FLNA: variants seen among roughly 807,000 people sequenced by gnomAD.
The protein encoded by FLNA is filamin-A.
In FLNA, 7 loss-of-function variants were observed where a neutral mutation model predicts 157.6. That is an observed-to-expected ratio of 0.04 (90% CI 0.03 to 0.08). FLNA has a LOEUF of 0.08. FLNA is among the 10% of genes least tolerant of loss of function. The pLI, the probability that FLNA is intolerant of heterozygous loss-of-function variation, is 1.00. For synonymous variants in FLNA, 1,103 were observed against 1,060.8 expected (o/e 1.04, Z -0.77); for missense variants, 1,750 against 2,398.4 (o/e 0.73, Z 5.65).
rs782157246 is a variant in FLNA at position 154,352,913 on chromosome X, G to A, written c.6238C>T (p.Leu2080Phe). ...CTGGGGCCCTCAATGGACAGGCTGA[G>A]CCCACCATAGCCTAGGGGATGGATA... ...IDTRDAGYGG[L>F]SLSIEGPSKV... The change falls in exon 39 of 48, where the codon CTC becomes TTC. Residue 2080 changes from leucine (L) to phenylalanine (F), a missense_variant. Physicochemically the swap from Leu to Phe is conservative, Grantham distance 22. Transcript: ENST00000369850. 27 of 1,210,512 alleles carry A rather than the reference G, an allele frequency of 2.2e-5. No homozygotes were observed. Among genetic ancestry groups the A allele is most frequent in the Admixed American group, 1.5e-4 (7 of 45,953 alleles).
intron 2 of FLNA, among the ~76,000 whole-genome samples, chrX:154,370,576 A>G: frequency 8.9e-6 from 1 of 112,292 alleles, no homozygotes; most frequent in East Asian, 2.8e-4. Flanking sequence ...CCCCAGGCCC[A>G]CTCCCACCGC....
At chrX:154,366,258 C>G in intron 8 of FLNA, 34 bp from the exon 9 acceptor site, 1 of 1,210,789 alleles carries the variant, frequency 8.3e-7, no homozygotes, top group Non-Finnish European at 1.1e-6. Flanking sequence ...TCCCAGGCCC[C>G]AGTGCGGCTC....
intron 21 of FLNA, among the ~76,000 whole-genome samples, chrX:154,361,056 A>AC (rs2067703719): frequency 3.6e-5 from 3 of 84,207 alleles, no homozygotes; most frequent in African/African-American, 1.7e-4. Flanking sequence ...CAAAAAAAAA[A>AC]AAAAAAAAAA....
intron 21 of FLNA, 115 bp downstream of exon 21, chrX:154,361,193 A>C: frequency 1.4e-6 from 1 of 690,236 alleles, no homozygotes; most frequent in East Asian, 3.4e-5. Flanking sequence ...AGTCTGTCTC[A>C]GGAAAAAAAA....
At position 154,360,536 on chromosome X, in the gene FLNA, G is replaced by A. The variant is rs782518956; in HGVS notation, c.3259C>T (p.Arg1087Cys). Residue 1087 changes from arginine (R) to cysteine (C), a missense_variant, in exon 22 of 48, where the codon CGC becomes TGC. Physicochemically the swap from Arg to Cys is radical, Grantham distance 180 (BLOSUM62 -3). This residue lies in a region of FLNA where 648 missense variants were observed against 805.8 expected (regional missense o/e 0.80). Transcript: ENST00000369850. ...GCGCCCTTGGTGTCGATGGTGAAGCGGGCGGGGGAGCCCGCACTGCCTCCC... is the reference window on the plus strand; with the variant it reads ...GCGCCCTTGGTGTCGATGGTGAAGCAGGCGGGGGAGCCCGCACTGCCTCCC... ...LQGGSAGSPARFTIDTKGAGT... is the reference protein window; with the variant it reads ...LQGGSAGSPACFTIDTKGAGT... The A allele has an allele frequency of 3.3e-5, 40 of 1,209,139 alleles. No homozygotes were observed. In the East Asian group the frequency reaches 1.1e-3, roughly 32 times the overall value.
rs782086942 is a variant in FLNA at position 154,358,546 on chromosome X, C to G, written c.4497G>C (p.Val1499=). 1 of 1,208,426 alleles carries G rather than the reference C, an allele frequency of 8.3e-7. No individual in the cohort carries two copies. The highest frequency in any genetic ancestry group is 1.8e-5 in the African/African-American group (1 of 57,010). ...GPKGLVEPVD[V]VDNADGTQTV... is the part of the protein sequence containing the mutation. ...TCTGGGTGCCATCAGCGTTGTCTAC[C>G]ACGTCCACTGGCTCCACCAGGCCTG... The change falls in exon 27 of 48, where the codon GTG becomes GTC. Residue 1499 remains valine, a synonymous_variant. Transcript: ENST00000369850.
chrX:154,349,985 G>A (rs781978917), intron 45 of FLNA, 46 bp downstream of exon 45: 3 of 1,199,150 alleles, frequency 2.5e-6, no homozygotes, highest in African/African-American at 1.7e-5. Flanking sequence ...TGGAGGCAAG[G>A]GCCTAGCAGC....
chrX:154,350,736 C>T (rs1037953998), intron 44 of FLNA, 173 bp downstream of exon 44: 19 of 516,947 alleles, frequency 3.7e-5, no homozygotes, highest in African/African-American at 9.2e-5. Context: ...CTGTGGGTGG[C>T]GAGCCACATC....
rs1557175653 is a variant in FLNA at position 154,351,014 on chromosome X, C to T, written c.7051G>A (p.Ala2351Thr). The part of the protein sequence containing the change: ...QESGLKVNQP[A>T]SFAVSLNGAK... ...CCGTTCAGGCTGACTGCAAAAGAGG[C>T]TGGCTGGTTGACCTTTAGCCCTGAC... is the stretch of plus-strand genomic sequence containing the variant. The change falls in exon 44 of 48, where the codon GCC (alanine) becomes ACC (threonine). Residue 2351 changes from alanine (A) to threonine (T), a missense_variant. Physicochemically the swap from Ala to Thr is moderately conservative, Grantham distance 58. Coordinates refer to ENST00000369850, the MANE Select transcript of FLNA (RefSeq NM_001110556.2). The T allele has an allele frequency of 3.3e-6, 4 of 1,211,769 alleles. No homozygotes were observed. In the Admixed American group the frequency reaches 8.7e-5, roughly 26 times the overall value.
intron 2 of FLNA, among the ~76,000 whole-genome samples, chrX:154,369,176 C>G (rs1264863244): frequency 8.9e-6 from 1 of 112,870 alleles, no homozygotes; most frequent in South Asian, 3.5e-4. Flanking sequence ...CCTGGAGGGC[C>G]AGGTGAGCCG....
At chrX:154,350,693 A>G in intron 44 of FLNA, 1 of 435,370 alleles carries the variant, frequency 2.3e-6, no homozygotes, top group Non-Finnish European at 4.1e-6. Context: ...TGGAGATGGC[A>G]TGGTACTGCA....
chrX:154,354,147 C>A lies in FLNA; in HGVS notation c.5557+4G>T. On this transcript the variant is annotated splice_donor_region_variant and intron_variant, in intron 34 of 47. Transcript: ENST00000369850. Reference sequence around the variant, plus strand: ...TGGAGTGGGCAGAGGCAGGGCAGGCCCACCTGGGATGTGCATGTTGTCATA... The same window carrying A: ...TGGAGTGGGCAGAGGCAGGGCAGGCACACCTGGGATGTGCATGTTGTCATA... The A allele has an allele frequency of 8.3e-7, 1 of 1,211,746 alleles. No individual in the cohort carries two copies. Among genetic ancestry groups the A allele is most frequent in the Non-Finnish European group, 1.1e-6 (1 of 895,578 alleles).
Position 154,364,849 on chromosome X carries a change from C to T in FLNA, c.1800G>A (p.Glu600=). 8.3e-7 allele frequency: 1 copy of T among 1,211,917 alleles called. No individual in the cohort carries two copies. Among genetic ancestry groups the T allele is most frequent in the Non-Finnish European group, 1.1e-6 (1 of 895,638 alleles). ...VVGKSADFVV[E]AIGDDVGTLG... The stretch of plus-strand genomic sequence containing the variant: ...GCGTGCCCACGTCGTCCCCGATAGC[C>T]TCCACCACAAAGTCTGCTGACTTGC... The change falls in exon 12 of 48, where the codon GAG becomes GAA. Residue 600 remains glutamate, a synonymous_variant. Transcript: ENST00000369850.
In FLNA at chrX:154,348,734, C is replaced by T; in HGVS notation, c.*115G>A. 1.5e-6 allele frequency: 1 copy of T among 676,748 alleles called. No individual in the cohort carries two copies. The highest frequency in any genetic ancestry group is 2.2e-6 in the Non-Finnish European group (1 of 452,435). The allele number at this position is 676,748 out of a possible 1,213,427, so 55.8% of individuals were successfully genotyped here. ...GCAGCACGGCACAGGGCAGGGGCGG[C>T]TGCAGTGACAGGCGGGCGGCCAGGG... On this transcript the variant is annotated 3_prime_UTR_variant, in exon 48 of 48. Coordinates refer to ENST00000369850, the MANE Select transcript of FLNA (RefSeq NM_001110556.2).
chrX:154,353,635 C>G lies in FLNA; in HGVS notation c.5779G>C (p.Val1927Leu), dbSNP rs1557176253. 1 of 1,210,518 alleles carries G rather than the reference C, an allele frequency of 8.3e-7. No homozygotes were observed. Among genetic ancestry groups the G allele is most frequent in the Non-Finnish European group, 1.1e-6 (1 of 895,050 alleles). The part of the protein sequence containing the change: ...DGTCSVSYLP[V>L]LPGDYSILVK... ...AGAATGCTGTAGTCCCCCGGCAGCA[C>G]AGGCAGGTAGGACACGCTGCATGTC... Residue 1927 changes from valine (V) to leucine (L), a missense_variant, in exon 36 of 48, where the codon GTG becomes CTG. Around this residue, in one of 5 missense-constraint regions of FLNA, gnomAD observed 970 missense variants for 1,302.6 expected, o/e 0.74. Coordinates refer to ENST00000369850, the MANE Select transcript of FLNA (RefSeq NM_001110556.2).
intron 29 of FLNA, 35 bp downstream of exon 29, chrX:154,357,399 C>A: frequency 1.7e-6 from 2 of 1,201,378 alleles, no homozygotes; most frequent in Non-Finnish European, 2.3e-6. Flanking sequence ...AGCCCCGTGC[C>A]GAGCGCCGCA....
chrX:154,369,186 G>A (rs1309356695), intron 2 of FLNA, among the ~76,000 whole-genome samples: 1 of 112,822 alleles, frequency 8.9e-6, no homozygotes, highest in Non-Finnish European at 1.9e-5. Context: ...CAGGTGAGCC[G>A]CTCAGAGTGG....
At position 154,359,090 on chromosome X, in the gene FLNA, G is replaced by A. The variant is rs782080545; in HGVS notation, c.4368C>T (p.Pro1456=). The A allele has an allele frequency of 4.1e-5, 49 of 1,209,387 alleles. No individual in the cohort carries two copies. The highest frequency in any genetic ancestry group is 2.3e-4 in the Middle Eastern group (1 of 4,373). ...TDASKVKCSG[P]GLSPGMVRAN... Reference sequence around the variant, plus strand: ...CACGAACCATGCCTGGGCTCAGGCCGGGCCCAGAGCACTTGACCTTGGACG... The same window carrying A: ...CACGAACCATGCCTGGGCTCAGGCCAGGCCCAGAGCACTTGACCTTGGACG... Residue 1456 remains proline, a synonymous_variant, in exon 26 of 48, where the codon CCC becomes CCT. Transcript: ENST00000369850.
chrX:154,357,461 C>T lies in FLNA; in HGVS notation c.4918G>A (p.Gly1640Arg), dbSNP rs1057524434. ...GTGACAGTGCACTTGCTGGCGTCCC[C>T]GGTGGGCACGGCACGCACGCGGTAC... Reference protein sequence around the residue: ...SPYRVRAVPTGDASKCTVTVS... With the variant: ...SPYRVRAVPTRDASKCTVTVS... Residue 1640 changes from glycine to arginine, a missense_variant, in exon 29 of 48, where the codon GGG becomes AGG. Around this residue, in one of 5 missense-constraint regions of FLNA, gnomAD observed 970 missense variants for 1,302.6 expected, o/e 0.74. Coordinates refer to ENST00000369850, the MANE Select transcript of FLNA (RefSeq NM_001110556.2). The T allele has an allele frequency of 8.3e-7, 1 of 1,208,596 alleles. No individual in the cohort carries two copies. Among genetic ancestry groups the T allele is most frequent in the Non-Finnish European group, 1.1e-6 (1 of 893,439 alleles).
Sources: gnomAD v4.1 joint callset for allele counts (sites outside exome capture counted in the v4.1 genomes callset) on GRCh38, gnomAD v4.1.1 for gene constraint, gnomAD v4.1.1 regional missense constraint, MANE v1.5 for transcripts, NCBI Gene and HGNC (gene_info 2026-07-23, HGNC 2026-07-21) for gene names.